Variants in ASTN1 observed in about 807,000 individuals in gnomAD.
The protein encoded by ASTN1 is astrotactin-1.
A neutral mutation model predicts 140.7 loss-of-function variants in ASTN1; 41 were observed. That is an observed-to-expected ratio of 0.29 (90% CI 0.23 to 0.38). The LOEUF (loss-of-function observed/expected upper bound fraction) is 0.38. ASTN1 is among the 10% of genes least tolerant of loss of function. The pLI is 1.00. For synonymous variants in ASTN1, 640 were observed against 652.2 expected, an observed-to-expected ratio of 0.98 and a Z score of 0.29; for missense variants, 1,479 against 1,678.8, an observed-to-expected ratio of 0.88 and a Z score of 2.08.
chr1:177,060,764 G>A (rs559087612), intron 2 of ASTN1, among the ~76,000 whole-genome samples: 1 of 152,298 alleles, frequency 6.6e-6, no homozygotes, highest in Non-Finnish European at 1.5e-5. Context: ...GTTTCCCAAA[G>A]TGCTGGGATT....
At chr1:177,072,886 G>A (rs1463642555) in intron 1 of ASTN1, among the ~76,000 whole-genome samples, 1 of 152,106 alleles carries the variant, frequency 6.6e-6, no homozygotes, top group Non-Finnish European at 1.5e-5. Flanking sequence ...CATACTTCAC[G>A]GTAGCACTGG....
chr1:177,042,820 T>G (rs1677040828), intron 2 of ASTN1, among the ~76,000 whole-genome samples: 1 of 152,236 alleles, frequency 6.6e-6, no homozygotes, highest in African/African-American at 2.4e-5. Context: ...GTCTGGGCTC[T>G]AATCACTCAA....
intron 21 of ASTN1, among the ~76,000 whole-genome samples, 180 bp from the exon 22 acceptor site, chr1:176,869,207 C>T (rs1334533660): frequency 3.3e-5 from 5 of 151,452 alleles, no homozygotes; most frequent in Admixed American, 6.6e-5. Flanking sequence ...CATATATGTG[C>T]GTATGTCAAT....
Position 176,864,356 on chromosome 1 carries a change from G to A in ASTN1, c.3813C>T (p.Asp1271=). 1 of 1,614,072 alleles carries A rather than the reference G, an allele frequency of 6.2e-7. No homozygotes were observed. The highest frequency in any genetic ancestry group is 8.5e-7 in the Non-Finnish European group (1 of 1,179,996). The stretch of plus-strand genomic sequence containing the variant: ...TCTGCTCCTCACACGTCTTCCTGAG[G>A]TCCCGGCTGAGCTCCGCCCAGTCAA... ...YGLDWAELSR[D]LRKTCEEQTL... is the part of the protein sequence containing the mutation. The change falls in exon 23 of 23, where the codon GAC becomes GAT. Residue 1271 remains aspartate (D), a synonymous_variant. Transcript: ENST00000361833.
At chr1:176,991,075 A>C (rs1470478609) in intron 8 of ASTN1, among the ~76,000 whole-genome samples, 1 of 152,046 alleles carries the variant, frequency 6.6e-6, no homozygotes, top group East Asian at 1.9e-4. Flanking sequence ...ATTTCTCTGT[A>C]CTTCAGTTAA....
At chr1:176,942,074 CT>C (rs1480267415) in intron 14 of ASTN1, among the ~76,000 whole-genome samples, 7 of 152,136 alleles carry the variant, frequency 4.6e-5, no homozygotes, top group Non-Finnish European at 1.0e-4. Context: ...TGTTTTTTCT[CT>C]TGCTCTTTCT....
intron 1 of ASTN1, among the ~76,000 whole-genome samples, chr1:177,065,881 G>T (rs1362040271): frequency 2.6e-5 from 4 of 152,152 alleles, no homozygotes; most frequent in Non-Finnish European, 5.9e-5. Flanking sequence ...GACTCAATAA[G>T]ATCTTACTAT....
At chr1:177,033,708 G>A (rs539945224) in intron 2 of ASTN1, among the ~76,000 whole-genome samples, 37 of 152,136 alleles carry the variant, frequency 2.4e-4, no homozygotes, top group Non-Finnish European at 5.0e-4. Flanking sequence ...CCCAAGTCCT[G>A]GAGTCAGGCT....
intron 1 of ASTN1, among the ~76,000 whole-genome samples, chr1:177,067,175 C>T (rs1374332909): frequency 6.6e-6 from 1 of 151,918 alleles, no homozygotes; most frequent in Non-Finnish European, 1.5e-5. Context: ...AGATGCACTC[C>T]TATGAGGGGA....
At chr1:176,877,325 C>T (rs2103020552) in intron 20 of ASTN1, among the ~76,000 whole-genome samples, 1 of 152,296 alleles carries the variant, frequency 6.6e-6, no homozygotes, top group East Asian at 1.9e-4. Context: ...CCGGGGACAG[C>T]TTCCCTCTTT....
intron 1 of ASTN1, among the ~76,000 whole-genome samples, chr1:177,148,819 G>A (rs894118696): frequency 7.2e-5 from 11 of 151,770 alleles, no homozygotes; most frequent in Non-Finnish European, 1.2e-4. Flanking sequence ...GATCAATGGT[G>A]ACCTCAGTGC....
At chr1:177,071,276 A>G (rs1388133645) in intron 1 of ASTN1, among the ~76,000 whole-genome samples, 1 of 152,240 alleles carries the variant, frequency 6.6e-6, no homozygotes, top group Non-Finnish European at 1.5e-5. Flanking sequence ...ATGCAAGGCC[A>G]GCCCCAGGGA....
At chr1:177,109,635 T>C (rs917417397) in intron 1 of ASTN1, among the ~76,000 whole-genome samples, 6 of 152,232 alleles carry the variant, frequency 3.9e-5, no homozygotes, top group African/African-American at 1.2e-4. Context: ...TCTTTGTGAC[T>C]GGAAATTGTT....
intron 11 of ASTN1, among the ~76,000 whole-genome samples, chr1:176,950,952 G>A (rs1672166248): frequency 1.3e-5 from 2 of 152,158 alleles, no homozygotes; most frequent in South Asian, 4.1e-4. Context: ...GTAGCCCACA[G>A]CTGCTGCAGG....
At chr1:176,875,387 G>T (rs1365666921) in intron 21 of ASTN1, among the ~76,000 whole-genome samples, 1 of 152,184 alleles carries the variant, frequency 6.6e-6, no homozygotes, top group African/African-American at 2.4e-5. Flanking sequence ...GTCACAAGAG[G>T]AATGGCAATA....
At chr1:176,965,126 C>A in intron 9 of ASTN1, 37 bp downstream of exon 9, 1 of 1,586,816 alleles carries the variant, frequency 6.3e-7, no homozygotes, top group South Asian at 1.1e-5. Context: ...ACAGGGTTTG[C>A]AGACGTACAT....
chr1:177,164,581 C>A lies in ASTN1; in HGVS notation c.96G>T (p.Glu32Asp). The change falls in exon 1 of 23, where the codon GAG becomes GAT. Residue 32 changes from glutamate (E) to aspartate (D), a missense_variant. This residue lies in a region of ASTN1 where 729 missense variants were observed against 860.4 expected (regional missense o/e 0.85). Coordinates refer to ENST00000361833, the MANE Select transcript of ASTN1 (RefSeq NM_004319.3). ...TAAGDVDPSK[E>D]LECKLKSITV... is the part of the protein sequence containing the mutation. ...TGATGCTTTTGAGCTTGCACTCCAGCTCCTTGGATGGATCCACGTCGCCGG... is the reference window on the plus strand; with the variant it reads ...TGATGCTTTTGAGCTTGCACTCCAGATCCTTGGATGGATCCACGTCGCCGG... The A allele has an allele frequency of 6.2e-7, 1 of 1,613,876 alleles. No homozygotes were observed. The highest frequency in any genetic ancestry group is 1.3e-5 in the African/African-American group (1 of 75,038).
chr1:177,029,544 C>T, intron 5 of ASTN1, 90 bp downstream of exon 5: 1 of 1,334,894 alleles, frequency 7.5e-7, no homozygotes, highest in East Asian at 2.4e-5. Context: ...TTCCATAGAG[C>T]CCACAACCCA....
At chr1:176,867,187 C>A (rs548665915) in intron 22 of ASTN1, among the ~76,000 whole-genome samples, 1 of 152,170 alleles carries the variant, frequency 6.6e-6, no homozygotes, top group South Asian at 2.1e-4. Context: ...AAAAGCACTC[C>A]AAATGCCCTT....
Sources: gnomAD v4.1 joint callset for allele counts (sites outside exome capture counted in the v4.1 genomes callset) on GRCh38, gnomAD v4.1.1 for gene constraint, gnomAD v4.1.1 regional missense constraint, MANE v1.5 for transcripts, NCBI Gene and HGNC (gene_info 2026-07-23, HGNC 2026-07-21) for gene names.